The following RBAK variants were observed in gnomAD, a reference collection of about 807,000 sequenced individuals.
RBAK encodes RB-associated KRAB zinc finger protein.
RBAK carries 39 observed loss-of-function variants against 65.8 expected under a neutral mutation model. The observed-to-expected ratio is 0.59, with a 90% CI of 0.46 to 0.77. RBAK has a LOEUF of 0.77. Ranked by LOEUF, RBAK falls within the 30% of genes least tolerant of loss-of-function variation. The probability of loss-of-function intolerance (pLI) is 0.00; values close to 1 mark genes in which losing one functional copy is unlikely to be tolerated. For missense variants in RBAK, 884 were observed against 855.1 expected, an observed-to-expected ratio of 1.03 and a Z score of -0.42; for synonymous variants, 343 against 289.7, an observed-to-expected ratio of 1.18 and a Z score of -1.87.
chr7:5,064,953 C>G lies in RBAK; in HGVS notation c.1497C>G (p.Thr499=). Reference sequence around the variant, plus strand: ...GAAAGTTCTCTCAGTTGTATCTCACCGACCATCATACAGCTCATTTAGAAG... The same window carrying G: ...GAAAGTTCTCTCAGTTGTATCTCACGGACCATCATACAGCTCATTTAGAAG... ...ECGKFSQLYL[T]DHHTAHLEEK... The change falls in exon 5 of 5, where the codon ACC becomes ACG. Residue 499 remains threonine (T), a synonymous_variant. Coordinates refer to ENST00000396912, the MANE Select transcript of RBAK (RefSeq NM_021163.4). This position sits in a 1 kb window ranked among gnomAD's most constrained non-coding sequence, Gnocchi z 6.3. The G allele has an allele frequency of 6.2e-7, 1 of 1,613,700 alleles. No homozygotes were observed. The highest frequency in any genetic ancestry group is 8.5e-7 in the Non-Finnish European group (1 of 1,179,860).
chr7:5,052,360 G>A (rs756174011), intron 2 of RBAK, among the ~76,000 whole-genome samples: 20 of 152,080 alleles, frequency 1.3e-4, no homozygotes, highest in Admixed American at 2.6e-4. Context: ...TGTAATTATT[G>A]ATAAAACTAG....
In RBAK at chr7:5,063,706, G is replaced by C. The variant is rs1167183283; in HGVS notation, c.250G>C (p.Val84Leu). The C allele has an allele frequency of 1.9e-6, 3 of 1,604,510 alleles. No individual in the cohort carries two copies. In the Admixed American group the frequency reaches 5.2e-5, roughly 28 times the overall value. ...PCQHSPEAWR[V>L]DDLIERIQEN... ...TTTTTCCTTTTTAGAAGCCTGGAGAGTTGATGACCTGATAGAGAGAATCCA... is the reference window on the plus strand; with the variant it reads ...TTTTTCCTTTTTAGAAGCCTGGAGACTTGATGACCTGATAGAGAGAATCCA... The change falls in exon 5 of 5, where the codon GTT becomes CTT. Residue 84 changes from valine to leucine, a missense_variant. Physicochemically the swap from Val to Leu is conservative, Grantham distance 32 (BLOSUM62 1). Transcript: ENST00000396912.
At position 5,067,393 on chromosome 7, in the gene RBAK, C is replaced by T. The variant is rs1779246605; in HGVS notation, c.*1792C>T. ...AAAATGAAATTTTGAAAAGCAATGC[C>T]ACTTCAAAGATCCCTCAAGTGCCTA... On this transcript the variant is annotated 3_prime_UTR_variant, in exon 5 of 5. Coordinates refer to ENST00000396912, the MANE Select transcript of RBAK (RefSeq NM_021163.4). 6.6e-6 allele frequency: 1 copy of T among 152,130 alleles called. No homozygotes were observed. Among genetic ancestry groups the T allele is most frequent in the Non-Finnish European group, 1.5e-5 (1 of 67,992 alleles). 9.4% of individuals were successfully genotyped at this position (152,130 alleles called of 1,614,324 possible). A position where few individuals can be genotyped will look rare whatever the true frequency, so the allele number is the denominator to read the frequency against.
rs1259918074 is a variant in RBAK, at chr7:5,063,618, G to T, written c.239-77G>T. 5.2e-6 allele frequency: 6 copies of T among 1,163,128 alleles called. No individual in the cohort carries two copies. In the African/African-American group the frequency reaches 9.4e-5, roughly 18 times the overall value. 72.1% of individuals were successfully genotyped at this position (1,163,128 alleles called of 1,614,324 possible). ...AAGCCAGAGTCAACCCCACAATGGG[G>T]GCTCTTGAATACCAGTACCTTTCCA... On this transcript the variant is annotated intron_variant, in intron 4 of 4. Coordinates refer to ENST00000396912, the MANE Select transcript of RBAK (RefSeq NM_021163.4).
At chr7:5,060,171 A>G (rs888450678) in intron 4 of RBAK, among the ~76,000 whole-genome samples, 1 of 152,054 alleles carries the variant, frequency 6.6e-6, no homozygotes, top group Non-Finnish European at 1.5e-5. Context: ...AGACCTTTTT[A>G]CTCTTCTTGC....
chr7:5,049,084 A>T (rs528546254), intron 2 of RBAK, among the ~76,000 whole-genome samples: 3 of 152,316 alleles, frequency 2.0e-5, no homozygotes, highest in African/African-American at 7.2e-5. Context: ...ATAAGGAGAA[A>T]CCAACTTTGT....
chr7:5,061,950 A>T (rs1226212266), intron 4 of RBAK, among the ~76,000 whole-genome samples: 2 of 152,012 alleles, frequency 1.3e-5, no homozygotes, highest in South Asian at 2.1e-4. Context: ...TTTCTTTTGG[A>T]CATTCACATG....
rs1779277953 is a variant in RBAK at position 5,068,584 on chromosome 7, G to A, written c.*2983G>A. The A allele has an allele frequency of 6.6e-6, 1 of 152,188 alleles. No individual in the cohort carries two copies. The highest frequency in any genetic ancestry group is 2.1e-4 in the South Asian group (1 of 4,832). 9.4% of individuals were successfully genotyped at this position (152,188 alleles called of 1,614,324 possible). A position where few individuals can be genotyped will look rare whatever the true frequency, so the allele number is the denominator to read the frequency against. On this transcript the variant is annotated 3_prime_UTR_variant, in exon 5 of 5. Coordinates refer to ENST00000396912, the MANE Select transcript of RBAK (RefSeq NM_021163.4). Reference sequence around the variant, plus strand: ...ATGAAAAAGCATCACGTTTTGGCAAGGATGTAAGCAAGAGGAACTGTACAC... The same window carrying A: ...ATGAAAAAGCATCACGTTTTGGCAAAGATGTAAGCAAGAGGAACTGTACAC...
chr7:5,062,948 C>G (rs374445628), intron 4 of RBAK, among the ~76,000 whole-genome samples: 1 of 152,060 alleles, frequency 6.6e-6, no homozygotes, highest in East Asian at 1.9e-4. Flanking sequence ...TTTCAAGGTG[C>G]CCAGATTTCA....
rs904862691 is a variant in RBAK, at chr7:5,068,927, C to T, written c.*3326C>T. 1 of 152,200 alleles carries T rather than the reference C, an allele frequency of 6.6e-6. No homozygotes were observed. Among genetic ancestry groups the T allele is most frequent in the Non-Finnish European group, 1.5e-5 (1 of 68,046 alleles). The allele number at this position is 152,200 out of a possible 1,614,324, so 9.4% of individuals were successfully genotyped here. On this transcript the variant is annotated 3_prime_UTR_variant, in exon 5 of 5. Transcript: ENST00000396912. ...GAAAGACTCCAGACACAAAAGCCAACATGCTGTATGATTCCTTCTATATAA... is the reference window on the plus strand; with the variant it reads ...GAAAGACTCCAGACACAAAAGCCAATATGCTGTATGATTCCTTCTATATAA...
chr7:5,064,234 C>A lies in RBAK; in HGVS notation c.778C>A (p.Pro260Thr). The A allele has an allele frequency of 6.2e-7, 1 of 1,614,002 alleles. No homozygotes were observed. Among genetic ancestry groups the A allele is most frequent in the South Asian group, 1.1e-5 (1 of 91,074 alleles). The change falls in exon 5 of 5, where the codon CCC (proline) becomes ACC (threonine). Residue 260 changes from proline (P) to threonine (T), a missense_variant. Pro to Thr is a conservative substitution (Grantham distance 38). Transcript: ENST00000396912. The surrounding 1 kb of genome is among the most constrained non-coding windows in gnomAD (Gnocchi z 6.3). ...TCAGAGATCACAAATGGAAATGAAG[C>A]CCTTTGAATGCAGTGAATGTGGAAA... ...AYQRSQMEMK[P>T]FECSECGKSF...
At chr7:5,057,541 T>G in intron 3 of RBAK, 120 bp downstream of exon 3, 3 of 1,595,506 alleles carry the variant, frequency 1.9e-6, no homozygotes, top group Non-Finnish European at 2.6e-6. Flanking sequence ...GTTTATATTA[T>G]TATTCATTGA....
intron 2 of RBAK, among the ~76,000 whole-genome samples, chr7:5,050,472 A>T (rs1788091363): frequency 6.6e-6 from 1 of 152,202 alleles, no homozygotes; most frequent in African/African-American, 2.4e-5. Context: ...TTGTGAACTT[A>T]AGAACTATTG....
Position 5,045,915 on chromosome 7 carries a change from T to G in RBAK, c.-526T>G, listed in dbSNP as rs1787964930. 2.8e-6 allele frequency: 1 copy of G among 350,894 alleles called. No individual in the cohort carries two copies. Among genetic ancestry groups the G allele is most frequent in the Non-Finnish European group, 5.5e-6 (1 of 183,446 alleles). 21.7% of individuals were successfully genotyped at this position (350,894 alleles called of 1,614,324 possible). A position where few individuals can be genotyped will look rare whatever the true frequency, so the allele number is the denominator to read the frequency against. ...CACCGCTTGCTCTAGTTCCCAGGCT[T>G]TGGCCTCCAGTGGACGAGAATCGCG... On this transcript the variant is annotated 5_prime_UTR_variant, in exon 1 of 5. Transcript: ENST00000396912.
chr7:5,061,687 C>T (rs1779076361), intron 4 of RBAK, among the ~76,000 whole-genome samples: 1 of 151,304 alleles, frequency 6.6e-6, no homozygotes, highest in African/African-American at 2.4e-5. Context: ...CACCTGAGGT[C>T]AAGAGTTCAA....
intron 2 of RBAK, among the ~76,000 whole-genome samples, chr7:5,049,248 C>G (rs532570333): frequency 6.6e-6 from 1 of 152,068 alleles, no homozygotes; most frequent in Non-Finnish European, 1.5e-5. Flanking sequence ...TGCCTGCTGC[C>G]CAAGGAGAAC....
At chr7:5,046,871 G>A (rs909116236) in intron 1 of RBAK, among the ~76,000 whole-genome samples, 1 of 152,152 alleles carries the variant, frequency 6.6e-6, no homozygotes, top group African/African-American at 2.4e-5. Context: ...CCGGGTCACT[G>A]GCTTTGTGGG....
At position 5,064,973 on chromosome 7, in the gene RBAK, T is replaced by A. The variant is rs754495200; in HGVS notation, c.1517T>A (p.Leu506Ter). The change falls in exon 5 of 5, where the codon TTA becomes TAA. Residue 506 changes from leucine to a stop codon, truncating the protein, a stop_gained. Transcript: ENST00000396912. LOFTEE classifies it high-confidence loss of function. The surrounding 1 kb of genome is among the most constrained non-coding windows in gnomAD (Gnocchi z 6.3). ...LYLTDHHTAH[L>*]EEKPYECNEC... is the part of the protein sequence containing the mutation. ...CTCACCGACCATCATACAGCTCATT[T>A]AGAAGAGAAACCCTATGAATGTAAT... 1 of 1,614,074 alleles carries A rather than the reference T, an allele frequency of 6.2e-7. No homozygotes were observed. The highest frequency in any genetic ancestry group is 1.1e-5 in the South Asian group (1 of 91,086).
At position 5,045,994 on chromosome 7, in the gene RBAK, G is replaced by A. The variant is rs1157318170; in HGVS notation, c.-447G>A. ...CGGGCCAGCACCTAGGCGGGCGCGG[G>A]GGTGTGCAGGCCAGGGTTCGCGCGG... On this transcript the variant is annotated 5_prime_UTR_variant, in exon 1 of 5. Transcript: ENST00000396912. The A allele has an allele frequency of 1.4e-5, 4 of 291,778 alleles. No individual in the cohort carries two copies. The highest frequency in any genetic ancestry group is 2.4e-5 in the African/African-American group (1 of 42,316). The allele number at this position is 291,778 out of a possible 1,614,324, so 18.1% of individuals were successfully genotyped here.
Sources: allele counts gnomAD v4.1 joint callset (sites outside exome capture counted in the v4.1 genomes callset), GRCh38; gene constraint gnomAD v4.1.1; non-coding constraint Gnocchi (gnomAD v3.1); transcripts MANE v1.5; gene names NCBI Gene and HGNC (gene_info 2026-07-23, HGNC 2026-07-21).